DLD: variants seen among roughly 807,000 people sequenced by gnomAD.
DLD encodes the protein dihydrolipoyl dehydrogenase, mitochondrial.
A neutral mutation model predicts 62.2 loss-of-function variants in DLD; 36 were observed. That is an observed-to-expected ratio of 0.58 (90% CI 0.44 to 0.76). The LOEUF is 0.76. DLD is among the 30% of genes least tolerant of loss of function. The pLI is 0.00. For synonymous variants in DLD, 204 were observed against 199.6 expected (o/e 1.02, Z -0.19); for missense variants, 541 against 608.6 (o/e 0.89, Z 1.17).
intron 2 of DLD, among the ~76,000 whole-genome samples, chr7:107,894,193 C>T (rs1052643120): frequency 2.0e-5 from 3 of 152,060 alleles, no homozygotes; most frequent in Non-Finnish European, 4.4e-5. Context: ...CCTGTCAGTA[C>T]CAAGGATATT....
In DLD at chr7:107,891,290, G is replaced by A. The variant is rs111257462; in HGVS notation, c.39+1G>A. The stretch of plus-strand genomic sequence containing the variant: ...TCGTGTGTACTGCTCCTTGGCCAAG[G>A]TGAGGGCCGAGTAGGTGAGGTCGTG... On this transcript the variant is annotated splice_donor_variant, in intron 1 of 13. Transcript: ENST00000205402. LOFTEE classifies it high-confidence loss of function. The A allele has an allele frequency of 1.2e-6, 2 of 1,614,126 alleles. No homozygotes were observed. The highest frequency in any genetic ancestry group is 1.7e-6 in the Non-Finnish European group (2 of 1,179,944).
chr7:107,904,047 T>A (rs2031943977), intron 5 of DLD, among the ~76,000 whole-genome samples: 1 of 152,234 alleles, frequency 6.6e-6, no homozygotes. Context: ...TTTAATCTTT[T>A]GTCTCCAATT....
rs975291126 is a variant in DLD, at chr7:107,905,538, C to T, written c.582+34C>T. The T allele has an allele frequency of 1.9e-6, 3 of 1,604,890 alleles. No individual in the cohort carries two copies. In the African/African-American group the frequency reaches 4.0e-5, roughly 21 times the overall value. On this transcript the variant is annotated intron_variant, in intron 7 of 13. Coordinates refer to ENST00000205402, the MANE Select transcript of DLD (RefSeq NM_000108.5). ...GCTTCATAATTTACAACCATTACAA[C>T]TTTTCTTTAGAAATACGTTTTATAA... is the stretch of plus-strand genomic sequence containing the variant.
At position 107,917,462 on chromosome 7, in the gene DLD, G is replaced by A. The variant is rs574061782; in HGVS notation, c.1236G>A (p.Glu412=). The change falls in exon 11 of 14, where the codon GAG becomes GAA. Residue 412 remains glutamate, a splice_region_variant and synonymous_variant. Coordinates refer to ENST00000205402, the MANE Select transcript of DLD (RefSeq NM_000108.5). ...VGKSEEQLKE[E]GIEYKVGKFP... is the part of the protein sequence containing the mutation. The stretch of plus-strand genomic sequence containing the variant: ...AATCAGAAGAGCAGTTGAAAGAAGA[G>A]GTAAGTCTGAACATGGGTGGTTTTA... The A allele has an allele frequency of 6.2e-7, 1 of 1,614,106 alleles. No individual in the cohort carries two copies. Among genetic ancestry groups the A allele is most frequent in the African/African-American group, 1.3e-5 (1 of 75,050 alleles).
At chr7:107,898,517 G>T (rs2031792727) in intron 2 of DLD, among the ~76,000 whole-genome samples, 1 of 151,718 alleles carries the variant, frequency 6.6e-6, no homozygotes, top group Non-Finnish European at 1.5e-5. Context: ...CTGACCTCAG[G>T]TGATCCACCT....
In DLD at chr7:107,891,358, C is replaced by T. The variant is rs2031566889; in HGVS notation, c.39+69C>T. 8 of 1,576,286 alleles carry T rather than the reference C, an allele frequency of 5.1e-6. No homozygotes were observed. The Admixed American group carries it at 1.4e-4, about 27-fold the overall frequency. ...AAGGTCCCGCTCAGTGGGTCCGGTA[C>T]GCGGCTTAACCGTGTTGGGCTGGCG... On this transcript the variant is annotated intron_variant, in intron 1 of 13. Coordinates refer to ENST00000205402, the MANE Select transcript of DLD (RefSeq NM_000108.5).
intron 12 of DLD, 25 bp downstream of exon 12, chr7:107,918,086 T>C (rs368622253): frequency 1.2e-6 from 2 of 1,613,310 alleles, no homozygotes; most frequent in African/African-American, 2.7e-5. Context: ...ACCAGAGAAA[T>C]CCCATTAAGA....
chr7:107,897,574 CTTTTTTTTTTTTT>C (rs35546358), intron 2 of DLD, among the ~76,000 whole-genome samples: 1 of 111,352 alleles, frequency 9.0e-6, no homozygotes, highest in African/African-American at 3.5e-5. Context: ...TGTAGACTGA[CTTTTTTTTTTTTT>C]TTTTTTTTTG....
At chr7:107,910,977 G>A (rs188524468) in intron 8 of DLD, among the ~76,000 whole-genome samples, 1 of 152,016 alleles carries the variant, frequency 6.6e-6, no homozygotes, top group African/African-American at 2.4e-5. Context: ...TGTCTTGTTT[G>A]CTTTTTAAAC....
chr7:107,909,924 G>T (rs1221553409), intron 8 of DLD, among the ~76,000 whole-genome samples: 1 of 140,918 alleles, frequency 7.1e-6, no homozygotes, highest in African/African-American at 2.7e-5. Context: ...TCGGCTCACT[G>T]CAGCCTCCAC....
At chr7:107,895,363 A>G (rs1035432111) in intron 2 of DLD, among the ~76,000 whole-genome samples, 1 of 152,218 alleles carries the variant, frequency 6.6e-6, no homozygotes, top group Non-Finnish European at 1.5e-5. Flanking sequence ...CTTGGTTACA[A>G]CATCTGAGAG....
intron 5 of DLD, among the ~76,000 whole-genome samples, chr7:107,904,285 A>G (rs1469109878): frequency 3.9e-5 from 6 of 152,354 alleles, no homozygotes; most frequent in African/African-American, 1.4e-4. Context: ...AGGGGTAGTC[A>G]GGAGACCTGC....
intron 2 of DLD, among the ~76,000 whole-genome samples, chr7:107,900,543 T>C (rs539861987): frequency 2.0e-5 from 3 of 152,252 alleles, no homozygotes; most frequent in Admixed American, 2.0e-4. Flanking sequence ...ACATAGGTAG[T>C]GATTATAAAG....
chr7:107,918,138 G>C lies in DLD; in HGVS notation c.1374+77G>C. On this transcript the variant is annotated intron_variant, in intron 12 of 13. Coordinates refer to ENST00000205402, the MANE Select transcript of DLD (RefSeq NM_000108.5). ...CTGTTTATTAATTATAAACCACCTG[G>C]TGTTAGTCTGAGGTTGCTCATTTCC... 6 of 1,559,680 alleles carry C rather than the reference G, an allele frequency of 3.8e-6. No homozygotes were observed. The South Asian group carries it at 6.7e-5, about 17-fold the overall frequency.
intron 8 of DLD, among the ~76,000 whole-genome samples, chr7:107,908,211 C>T (rs565902070): frequency 6.8e-6 from 1 of 146,054 alleles, no homozygotes; most frequent in African/African-American, 2.5e-5. Context: ...AGTGCAGTGG[C>T]GCGATCTCGG....
intron 8 of DLD, among the ~76,000 whole-genome samples, chr7:107,909,677 T>A (rs1366645423): frequency 6.6e-6 from 1 of 152,116 alleles, no homozygotes; most frequent in East Asian, 1.9e-4. Flanking sequence ...ATTAATAATG[T>A]CTTCTAGTAT....
chr7:107,896,091 G>A (rs2031715932), intron 2 of DLD, among the ~76,000 whole-genome samples: 1 of 152,222 alleles, frequency 6.6e-6, no homozygotes, highest in Non-Finnish European at 1.5e-5. Context: ...ACAGAACGTG[G>A]TAGGAGATGA....
At chr7:107,908,042 C>G (rs934110723) in intron 8 of DLD, among the ~76,000 whole-genome samples, 3 of 152,146 alleles carry the variant, frequency 2.0e-5, no homozygotes, top group African/African-American at 7.2e-5. Context: ...TGCCTAACTT[C>G]TGTGATTTCA....
At chr7:107,897,634 A>C (rs2031761164) in intron 2 of DLD, among the ~76,000 whole-genome samples, 2 of 143,724 alleles carry the variant, frequency 1.4e-5, no homozygotes, top group Non-Finnish European at 3.0e-5. Flanking sequence ...GCTGGGGTGC[A>C]ATGGTGCGAT....
Sources: gnomAD v4.1 joint callset for allele counts (sites outside exome capture counted in the v4.1 genomes callset) on GRCh38, gnomAD v4.1.1 for gene constraint, MANE v1.5 for transcripts, NCBI Gene and HGNC (gene_info 2026-07-23, HGNC 2026-07-21) for gene names.